Variants in CYP2C8 observed in about 807,000 individuals in gnomAD.
CYP2C8 encodes cytochrome P450 2C8.
A neutral mutation model predicts 41.3 loss-of-function variants in CYP2C8; 51 were observed. That is an observed-to-expected ratio of 1.24 (90% CI 0.99 to 1.56). CYP2C8 has a LOEUF of 1.56. Ranked by LOEUF, CYP2C8 falls within the 40% of genes most tolerant of loss-of-function variation. CYP2C8 has a pLI of 0.00. For missense variants in CYP2C8, 651 were observed against 579.9 expected, an observed-to-expected ratio of 1.12 and a Z score of -1.26; for synonymous variants, 218 against 205.8, an observed-to-expected ratio of 1.06 and a Z score of -0.51.
intron 5 of CYP2C8, among the ~76,000 whole-genome samples, chr10:95,051,211 A>T (rs775412991): frequency 1.3e-5 from 2 of 152,192 alleles, no homozygotes; most frequent in African/African-American, 2.4e-5. Context: ...CATACTGAAG[A>T]ATGCATTGGA....
chr10:95,049,021 G>A (rs1315777307), intron 5 of CYP2C8, among the ~76,000 whole-genome samples: 1 of 152,046 alleles, frequency 6.6e-6, no homozygotes, highest in African/African-American at 2.4e-5. Context: ...GACAAGCAGA[G>A]TAAACATACA....
chr10:95,057,475 G>A (rs1415365502), intron 5 of CYP2C8, among the ~76,000 whole-genome samples: 2 of 151,866 alleles, frequency 1.3e-5, no homozygotes, highest in Non-Finnish European at 2.9e-5. Flanking sequence ...AATTTTTGTT[G>A]CGACTGAATG....
At chr10:95,066,078 G>A (rs1363784583) in intron 3 of CYP2C8, among the ~76,000 whole-genome samples, 1 of 148,124 alleles carries the variant, frequency 6.8e-6, no homozygotes, top group East Asian at 2.0e-4. Context: ...AAAAACTGTT[G>A]TTTTAGCCAA....
intron 3 of CYP2C8, 124 bp downstream of exon 3, chr10:95,067,084 C>A: frequency 7.4e-7 from 1 of 1,352,618 alleles, no homozygotes. Flanking sequence ...TCTCCCTCCA[C>A]CACCTGAGGG....
At chr10:95,068,467 G>T in intron 1 of CYP2C8, 1 of 591,980 alleles carries the variant, frequency 1.7e-6, no homozygotes, top group Non-Finnish European at 2.7e-6. Context: ...TGAACCCACA[G>T]ATATTTATTT....
Position 95,069,135 on chromosome 10 carries a change from C to A in CYP2C8, c.168+100G>T, listed in dbSNP as rs2033628027. 3.8e-6 allele frequency: 5 copies of A among 1,322,214 alleles called. No homozygotes were observed. In the South Asian group the frequency reaches 4.8e-5, roughly 13 times the overall value. The allele number at this position is 1,322,214 out of a possible 1,614,324, so 81.9% of individuals were successfully genotyped here. On this transcript the variant is annotated intron_variant, in intron 1 of 8. Coordinates refer to ENST00000371270, the MANE Select transcript of CYP2C8 (RefSeq NM_000770.3). ...AGGGAGTATTTTGCTTTACAATGAT[C>A]TATTATAATAGTGTGCTTCCAGGAA...
chr10:95,062,395 T>C (rs1020062628), intron 4 of CYP2C8, among the ~76,000 whole-genome samples: 3 of 152,246 alleles, frequency 2.0e-5, no homozygotes, highest in African/African-American at 4.8e-5. Flanking sequence ...CATTATGTAA[T>C]GGCCTTCTTT....
intron 7 of CYP2C8, among the ~76,000 whole-genome samples, chr10:95,042,317 G>A (rs2033019213): frequency 6.6e-6 from 1 of 152,018 alleles, no homozygotes; most frequent in African/African-American, 2.4e-5. Flanking sequence ...TATCAGCAAT[G>A]ATCAGTAAAT....
At chr10:95,042,549 C>T (rs2033024094) in intron 7 of CYP2C8, among the ~76,000 whole-genome samples, 1 of 152,154 alleles carries the variant, frequency 6.6e-6, no homozygotes, top group Admixed American at 6.5e-5. Context: ...TAACCATATT[C>T]ATGAATTAAA....
At chr10:95,057,879 C>T (rs1309888819) in intron 5 of CYP2C8, among the ~76,000 whole-genome samples, 2 of 152,172 alleles carry the variant, frequency 1.3e-5, no homozygotes, top group Admixed American at 1.3e-4. Flanking sequence ...CCACAAACTA[C>T]TCATTCCATC....
chr10:95,059,786 T>G (rs2033386280), intron 4 of CYP2C8, among the ~76,000 whole-genome samples: 1 of 152,226 alleles, frequency 6.6e-6, no homozygotes, highest in Non-Finnish European at 1.5e-5. Context: ...GGTCTAACAT[T>G]TAAGTCTTTG....
intron 5 of CYP2C8, among the ~76,000 whole-genome samples, chr10:95,052,811 A>C (rs1263608931): frequency 6.6e-6 from 1 of 152,156 alleles, no homozygotes. Flanking sequence ...AGTAAAAGCT[A>C]TCTACAAAAG....
chr10:95,047,895 G>A (rs1207563629), intron 5 of CYP2C8, among the ~76,000 whole-genome samples: 1 of 151,994 alleles, frequency 6.6e-6, no homozygotes, highest in East Asian at 1.9e-4. Flanking sequence ...AAAGGAAAGG[G>A]ACCTTGTGTG....
chr10:95,057,536 T>G (rs1009019807), intron 5 of CYP2C8, among the ~76,000 whole-genome samples: 1 of 152,082 alleles, frequency 6.6e-6, no homozygotes, highest in Admixed American at 6.6e-5. Context: ...GACTCATACT[T>G]TTTGATTTGA....
intron 1 of CYP2C8, chr10:95,068,473 T>C: frequency 1.6e-6 from 1 of 638,698 alleles, no homozygotes; most frequent in Non-Finnish European, 2.5e-6. Flanking sequence ...CACAGATATT[T>C]ATTTCACATC....
At chr10:95,046,541 T>C (rs2033112484) in intron 5 of CYP2C8, among the ~76,000 whole-genome samples, 1 of 152,208 alleles carries the variant, frequency 6.6e-6, no homozygotes, top group Admixed American at 6.5e-5. Context: ...AGTCATGTTT[T>C]GTTAGGCTGC....
At chr10:95,049,062 A>C (rs539974709) in intron 5 of CYP2C8, among the ~76,000 whole-genome samples, 111 of 152,304 alleles carry the variant, frequency 7.3e-4, no homozygotes, top group African/African-American at 2.5e-3. Context: ...TATTTGCAAA[A>C]TATACCTTCA....
At position 95,064,833 on chromosome 10, in the gene CYP2C8, T is replaced by G. The variant is rs748616823; in HGVS notation, c.609A>C (p.Glu203Asp). 66 of 1,613,980 alleles carry G rather than the reference T, an allele frequency of 4.1e-5. 1 individual carries two copies. The highest frequency in any genetic ancestry group is 9.3e-5 in the African/African-American group (7 of 74,922). ...NFLTLMKRFNENFRILNSPWI... is the reference protein window; with the variant it reads ...NFLTLMKRFNDNFRILNSPWI... ...ATGGGGAGTTCAGAATCCTGAAGTT[T>G]TCATTGAATCTTTTCATCAGGGTGA... Residue 203 changes from glutamate to aspartate, a missense_variant, in exon 4 of 9, where the codon GAA becomes GAC. Coordinates refer to ENST00000371270, the MANE Select transcript of CYP2C8 (RefSeq NM_000770.3).
At chr10:95,047,590 A>G (rs1465214305) in intron 5 of CYP2C8, among the ~76,000 whole-genome samples, 1 of 152,204 alleles carries the variant, frequency 6.6e-6, no homozygotes, top group African/African-American at 2.4e-5. Context: ...CTTAGGAATA[A>G]GTTCAGGAAT....
Sources: gnomAD v4.1 joint callset for allele counts (sites outside exome capture counted in the v4.1 genomes callset) on GRCh38, gnomAD v4.1.1 for gene constraint, MANE v1.5 for transcripts, NCBI Gene and HGNC (gene_info 2026-07-23, HGNC 2026-07-21) for gene names.